The following HK2 variants were observed in gnomAD, a reference collection of about 807,000 sequenced individuals.
HK2 encodes hexokinase 2.
In HK2, 42 loss-of-function variants were observed where a neutral mutation model predicts 92.9. That is an observed-to-expected ratio of 0.45 (90% CI 0.35 to 0.58). The LOEUF (loss-of-function observed/expected upper bound fraction) is 0.58, where lower values mean the gene tolerates loss of function less well. Ranked by LOEUF, HK2 falls within the 20% of genes least tolerant of loss-of-function variation. The pLI, the probability that HK2 is intolerant of heterozygous loss-of-function variation, is 0.00. For missense variants in HK2, 978 were observed against 1,245.1 expected, an observed-to-expected ratio of 0.79 and a Z score of 3.23; for synonymous variants, 422 against 468.0, an observed-to-expected ratio of 0.90 and a Z score of 1.27.
intron 3 of HK2, among the ~76,000 whole-genome samples, chr2:74,871,744 G>GA (rs1458915772): frequency 6.6e-6 from 1 of 152,136 alleles, no homozygotes; most frequent in South Asian, 2.1e-4. Flanking sequence ...CTAGAATGGA[G>GA]AAAAAAATAT....
At chr2:74,880,242 T>G (rs765810251) in intron 9 of HK2, 23 bp from the exon 10 acceptor site, 16 of 1,613,734 alleles carry the variant, frequency 9.9e-6, no homozygotes, top group Non-Finnish European at 1.4e-5. Flanking sequence ...CACCTGTCTC[T>G]TACCCGCCCT....
chr2:74,837,672 CTTTTTTT>C (rs894014535), intron 1 of HK2, among the ~76,000 whole-genome samples: 3 of 104,130 alleles, frequency 2.9e-5, no homozygotes, highest in African/African-American at 1.1e-4. Flanking sequence ...TTGCCCTTGT[CTTTTTTT>C]TTTTTTTTTT....
At chr2:74,869,511 CTGGGCAA>C (rs1689043025) in intron 3 of HK2, among the ~76,000 whole-genome samples, 1 of 152,184 alleles carries the variant, frequency 6.6e-6, no homozygotes, top group Non-Finnish European at 1.5e-5. Context: ...AATTGTGAAC[CTGGGCAA>C]TGGGGGTCCT....
chr2:74,857,440 T>C (rs1246745837), intron 2 of HK2, among the ~76,000 whole-genome samples: 3 of 152,224 alleles, frequency 2.0e-5, no homozygotes, highest in Non-Finnish European at 4.4e-5. Context: ...TCCAACTATA[T>C]GCCCTGAACA....
At chr2:74,851,949 G>A (rs1052184437) in intron 1 of HK2, among the ~76,000 whole-genome samples, 4 of 152,206 alleles carry the variant, frequency 2.6e-5, no homozygotes, top group African/African-American at 4.8e-5. Context: ...GCTGTATCCA[G>A]GCAGGCAGGG....
intron 1 of HK2, among the ~76,000 whole-genome samples, chr2:74,837,672 C>CTTTTTTTTTTT (rs894014535): frequency 9.6e-6 from 1 of 104,134 alleles, no homozygotes; most frequent in African/African-American, 3.7e-5. Flanking sequence ...TTGCCCTTGT[C>CTTTTTTTTTTT]TTTTTTTTTT....
intron 2 of HK2, among the ~76,000 whole-genome samples, chr2:74,859,931 A>G (rs1367606797): frequency 1.3e-5 from 2 of 152,238 alleles, no homozygotes; most frequent in African/African-American, 4.8e-5. Context: ...CCATCAATGG[A>G]CAGATGATTG....
At chr2:74,886,751 A>C in intron 15 of HK2, 78 bp downstream of exon 15, 2 of 1,436,420 alleles carry the variant, frequency 1.4e-6, no homozygotes, top group South Asian at 2.3e-5. Flanking sequence ...CCACAATGGC[A>C]TCTCCCAGGA....
At chr2:74,853,739 C>T (rs1187250983) in intron 1 of HK2, among the ~76,000 whole-genome samples, 1 of 150,654 alleles carries the variant, frequency 6.6e-6, no homozygotes, top group Non-Finnish European at 1.5e-5. Context: ...GCTAGAGGCC[C>T]GATCATGTGG....
At chr2:74,875,107 T>C (rs1689193412) in intron 7 of HK2, among the ~76,000 whole-genome samples, 1 of 152,184 alleles carries the variant, frequency 6.6e-6, no homozygotes, top group African/African-American at 2.4e-5. Context: ...AAAACCTTAT[T>C]TCACCCTCAC....
chr2:74,861,427 A>C lies in HK2; in HGVS notation c.227-6209A>C, dbSNP rs376350758. Among the ~76,000 whole-genome samples the C allele has an allele frequency of 3.3e-5, 5 of 152,242 alleles. 1 individual carries two copies. Among genetic ancestry groups the C allele is most frequent in the African/African-American group, 1.2e-4 (5 of 41,532 alleles). ...AGAGTGAGACTCCGAAAAAAAAAAA[A>C]AGGGAATGCAGGAAGAATTGATAGC... On this transcript the variant is annotated intron_variant, in intron 2 of 17. Transcript: ENST00000290573.
At chr2:74,871,008 G>A (rs1463531246) in intron 3 of HK2, among the ~76,000 whole-genome samples, 5 of 152,166 alleles carry the variant, frequency 3.3e-5, no homozygotes, top group Non-Finnish European at 4.4e-5. Flanking sequence ...GATCCAACAG[G>A]TCTGTCAGTT....
intron 2 of HK2, among the ~76,000 whole-genome samples, chr2:74,859,099 T>C (rs1438621346): frequency 6.6e-6 from 1 of 152,264 alleles, no homozygotes; most frequent in African/African-American, 2.4e-5. Flanking sequence ...CAAACAGTTT[T>C]AAGAAGTTGA....
intron 2 of HK2, among the ~76,000 whole-genome samples, chr2:74,857,171 G>A (rs1215950051): frequency 6.6e-6 from 1 of 152,164 alleles, no homozygotes; most frequent in Non-Finnish European, 1.5e-5. Context: ...GCATTTGCAG[G>A]GGGTCCATAG....
chr2:74,885,347 A>G, intron 12 of HK2, 147 bp from the exon 13 acceptor site: 1 of 703,172 alleles, frequency 1.4e-6, no homozygotes, highest in South Asian at 1.5e-5. Context: ...TACCTTAGGA[A>G]CAGTTTAATT....
chr2:74,874,257 T>A lies in HK2; in HGVS notation c.692-9T>A. On this transcript the variant is annotated splice_polypyrimidine_tract_variant and intron_variant, in intron 6 of 17. Transcript: ENST00000290573. Reference sequence around the variant, plus strand: ...CAGGCGTGTGCATAGCCGTCCCTTGTTTTGGCAGGCACGGGCAGCAACGCC... The same window carrying A: ...CAGGCGTGTGCATAGCCGTCCCTTGATTTGGCAGGCACGGGCAGCAACGCC... 6.2e-7 allele frequency: 1 copy of A among 1,614,000 alleles called. No homozygotes were observed. The highest frequency in any genetic ancestry group is 2.2e-5 in the East Asian group (1 of 44,870).
intron 10 of HK2, among the ~76,000 whole-genome samples, chr2:74,881,416 A>G (rs1689388266): frequency 6.6e-6 from 1 of 152,246 alleles, no homozygotes; most frequent in South Asian, 2.1e-4. Flanking sequence ...AATCATCCTT[A>G]AGAGAGGAAT....
intron 3 of HK2, among the ~76,000 whole-genome samples, chr2:74,869,131 A>G (rs74477806): frequency 6.6e-6 from 1 of 151,992 alleles, no homozygotes; most frequent in Non-Finnish European, 1.5e-5. Context: ...AAAAAAAAAA[A>G]CAACTATGAG....
At position 74,874,206 on chromosome 2, in the gene HK2, G is replaced by A; in HGVS notation, c.692-60G>A. On this transcript the variant is annotated intron_variant, in intron 6 of 17. Transcript: ENST00000290573. Reference sequence around the variant, plus strand: ...CAGTCTCGGGACAGTAGTATAAGAGGGAAGAGGGGTGGGAAGGGGCCGGAG... The same window carrying A: ...CAGTCTCGGGACAGTAGTATAAGAGAGAAGAGGGGTGGGAAGGGGCCGGAG... 4 of 1,601,576 alleles carry A rather than the reference G, an allele frequency of 2.5e-6. No individual in the cohort carries two copies. In the South Asian group the frequency reaches 3.3e-5, roughly 13 times the overall value.
Sources: gnomAD v4.1 joint callset for allele counts (sites outside exome capture counted in the v4.1 genomes callset) on GRCh38, gnomAD v4.1.1 for gene constraint, MANE v1.5 for transcripts, NCBI Gene and HGNC (gene_info 2026-07-23, HGNC 2026-07-21) for gene names.